The following PDE4A variants were observed in gnomAD, a reference collection of about 807,000 sequenced individuals.
The protein encoded by PDE4A is phosphodiesterase 4A.
Under a neutral mutation model 73.9 loss-of-function variants are expected in PDE4A, and 21 were observed. The observed-to-expected ratio is 0.28, with a 90% CI of 0.20 to 0.41. PDE4A has a LOEUF of 0.41. Ranked by LOEUF, PDE4A falls within the 10% of genes least tolerant of loss-of-function variation. The probability of loss-of-function intolerance (pLI) is 1.00; values close to 1 mark genes in which losing one functional copy is unlikely to be tolerated. For synonymous variants in PDE4A, 463 were observed against 505.4 expected (o/e 0.92, Z 1.13); for missense variants, 958 against 1,211.4 (o/e 0.79, Z 3.10).
chr19:10,431,097 C>A (rs766235994), intron 1 of PDE4A: 22 of 1,495,228 alleles, frequency 1.5e-5, no homozygotes, highest in Middle Eastern at 3.5e-4. Context: ...GTAAGTGCAG[C>A]GCTGGTGGCC....
intron 1 of PDE4A, among the ~76,000 whole-genome samples, chr19:10,433,169 A>G (rs1406992933): frequency 6.6e-6 from 1 of 151,978 alleles, no homozygotes; most frequent in Non-Finnish European, 1.5e-5. Flanking sequence ...AGACACACAC[A>G]CAGGGCCGCA....
intron 6 of PDE4A, among the ~76,000 whole-genome samples, chr19:10,452,433 C>T (rs951977483): frequency 1.4e-5 from 2 of 147,066 alleles, no homozygotes; most frequent in African/African-American, 2.6e-5. Flanking sequence ...GTGAAAACTC[C>T]GTCTCAAAAA....
chr19:10,427,789 C>T (rs2042736332), intron 1 of PDE4A: 1 of 984,518 alleles, frequency 1.0e-6, no homozygotes, highest in Non-Finnish European at 1.2e-6. Context: ...GACGAACTGG[C>T]AAAACAATTC....
upstream of PDE4A, chr19:10,417,804 C>T: frequency 1.9e-6 from 3 of 1,556,864 alleles, no homozygotes; most frequent in Non-Finnish European, 2.6e-6. Flanking sequence ...GCCGCCACGG[C>T]CCACCACCCT....
At chr19:10,436,103 C>T (rs1230895657) in intron 1 of PDE4A, among the ~76,000 whole-genome samples, 3 of 152,134 alleles carry the variant, frequency 2.0e-5, no homozygotes, top group Non-Finnish European at 4.4e-5. Context: ...CCATCCTAAA[C>T]TGCAGCTTAA....
intron 1 of PDE4A, among the ~76,000 whole-genome samples, chr19:10,443,726 G>A (rs922972535): frequency 2.0e-5 from 3 of 151,842 alleles, no homozygotes; most frequent in African/African-American, 7.3e-5. Flanking sequence ...AAAACACCAG[G>A]CCAGGCGCAG....
rs199776108 is a variant in PDE4A, at chr19:10,464,001, G to A, written c.1926+26G>A. 51 of 1,613,438 alleles carry A rather than the reference G, an allele frequency of 3.2e-5. No individual in the cohort carries two copies. The East Asian group carries it at 4.7e-4, about 15-fold the overall frequency. Reference sequence around the variant, plus strand: ...GTACAGGCTCGGGGCATTGATGGACGGGCACAGGGTGAGTCTCCCCAGCCC... The same window carrying A: ...GTACAGGCTCGGGGCATTGATGGACAGGCACAGGGTGAGTCTCCCCAGCCC... On this transcript the variant is annotated intron_variant, in intron 14 of 14. Coordinates refer to ENST00000380702, the MANE Select transcript of PDE4A (RefSeq NM_001111307.2).
At chr19:10,460,687 A>G (rs1452352836) in intron 10 of PDE4A, among the ~76,000 whole-genome samples, 1 of 151,454 alleles carries the variant, frequency 6.6e-6, no homozygotes, top group African/African-American at 2.4e-5. Context: ...AATCCCAGCT[A>G]CTAGAGAGGC....
At position 10,463,478 on chromosome 19, in the gene PDE4A, G is replaced by A. The variant is rs543443209; in HGVS notation, c.1744-315G>A. 6.5e-3 allele frequency among the ~76,000 whole-genome samples: 881 copies of A among 135,314 alleles called. 11 individuals carry two copies. Among genetic ancestry groups the A allele is most frequent in the African/African-American group, 0.023 (826 of 35,664 alleles). The allele number at this position is 135,314 out of a possible 152,430, so 88.8% of individuals were successfully genotyped here. On this transcript the variant is annotated intron_variant, in intron 13 of 14. Coordinates refer to ENST00000380702, the MANE Select transcript of PDE4A (RefSeq NM_001111307.2). ...GGGCAGTGGCTTGATCTCGGCTCACGGCAACCTCCGCCTCCTGGGTTCAAG... is the reference window on the plus strand; with the variant it reads ...GGGCAGTGGCTTGATCTCGGCTCACAGCAACCTCCGCCTCCTGGGTTCAAG...
At chr19:10,461,805 G>A (rs1342064891) in intron 12 of PDE4A, 72 bp from the exon 13 acceptor site, 2 of 1,582,488 alleles carry the variant, frequency 1.3e-6, no homozygotes, top group Non-Finnish European at 1.7e-6. Flanking sequence ...TCTACCTGGT[G>A]AAAACTTCAG....
Position 10,468,160 on chromosome 19 carries a change from G to A in PDE4A, c.*539G>A, listed in dbSNP as rs906839942. ...TTCTAGGCGGGGCTGGGGCCAGGGT[G>A]GGGGGCAGTCACTGTGGGAGGTCCC... On this transcript the variant is annotated 3_prime_UTR_variant, in exon 15 of 15. Coordinates refer to ENST00000380702, the MANE Select transcript of PDE4A (RefSeq NM_001111307.2). 1 of 152,662 alleles carries A rather than the reference G, an allele frequency of 6.6e-6. No homozygotes were observed. Among genetic ancestry groups the A allele is most frequent in the Non-Finnish European group, 1.5e-5 (1 of 68,078 alleles). The allele number at this position is 152,662 out of a possible 1,614,324, so 9.5% of individuals were successfully genotyped here. A position where few individuals can be genotyped will look rare whatever the true frequency, so the allele number is the denominator to read the frequency against.
chr19:10,435,476 G>A (rs575644951), intron 1 of PDE4A, among the ~76,000 whole-genome samples: 94 of 151,868 alleles, frequency 6.2e-4, no homozygotes, highest in Non-Finnish European at 1.3e-3. Context: ...TGGGAGGATC[G>A]CTTGAGCCTG....
At chr19:10,455,479 A>T (rs1170515903) in intron 7 of PDE4A, among the ~76,000 whole-genome samples, 1 of 151,260 alleles carries the variant, frequency 6.6e-6, no homozygotes, top group Non-Finnish European at 1.5e-5. Flanking sequence ...AAAAAAAAAA[A>T]AAATATTAGC....
At chr19:10,442,818 A>G (rs2042955790) in intron 1 of PDE4A, among the ~76,000 whole-genome samples, 1 of 148,738 alleles carries the variant, frequency 6.7e-6, no homozygotes, top group Non-Finnish European at 1.5e-5. Context: ...AATATTACAT[A>G]TATAATATCA....
At chr19:10,463,760 C>T (rs1376311716) in intron 13 of PDE4A, 33 bp from the exon 14 acceptor site, 7 of 1,611,648 alleles carry the variant, frequency 4.3e-6, no homozygotes, top group Non-Finnish European at 5.9e-6. Flanking sequence ...GGCATAGCCT[C>T]TGAAGTTTCC....
intron 10 of PDE4A, 75 bp from the exon 11 acceptor site, chr19:10,460,929 G>C (rs1239502305): frequency 1.3e-6 from 2 of 1,493,128 alleles, no homozygotes; most frequent in Non-Finnish European, 1.8e-6. Flanking sequence ...CTCCTAAGTA[G>C]GTGAGACAAA....
chr19:10,465,825 T>A (rs1303509705), intron 14 of PDE4A, among the ~76,000 whole-genome samples: 2 of 145,086 alleles, frequency 1.4e-5, no homozygotes, highest in Non-Finnish European at 3.0e-5. Flanking sequence ...CTCAGCCTCC[T>A]GAGTAGGTGG....
chr19:10,435,561 AACACACACACAC>A (rs35022243), intron 1 of PDE4A, among the ~76,000 whole-genome samples: 1 of 145,366 alleles, frequency 6.9e-6, no homozygotes, highest in African/African-American at 2.5e-5. Flanking sequence ...ACCCTGTATC[AACACACACACAC>A]ACACACACAC....
intron 1 of PDE4A, chr19:10,431,078 TG>T: frequency 1.9e-6 from 3 of 1,553,982 alleles, no homozygotes; most frequent in Non-Finnish European, 2.6e-6. Flanking sequence ...AGGCTTGGGC[TG>T]GGGCTGGGTA....
Sources: gnomAD v4.1 joint callset for allele counts (sites outside exome capture counted in the v4.1 genomes callset) on GRCh38, gnomAD v4.1.1 for gene constraint, MANE v1.5 for transcripts, NCBI Gene and HGNC (gene_info 2026-07-23, HGNC 2026-07-21) for gene names.